The following TMEM252 variants were observed in gnomAD, a reference collection of about 807,000 sequenced individuals.
The protein encoded by TMEM252 is transmembrane protein 252.
A neutral mutation model predicts 6.4 loss-of-function variants in TMEM252; 4 were observed. The ratio of observed to expected loss-of-function variants is 0.62; its 90% CI spans 0.31 to 1.43. The LOEUF is 1.43. Among genes scored for constraint, TMEM252 ranks in the 40% most tolerant of loss-of-function variants. The probability of loss-of-function intolerance (pLI) is 0.07; values close to 1 mark genes in which losing one functional copy is unlikely to be tolerated. For synonymous variants in TMEM252, 85 were observed against 82.5 expected (o/e 1.03, Z -0.17); for missense variants, 207 against 209.4 (o/e 0.99, Z 0.07).
Position 68,537,397 on chromosome 9 carries a change from T to C in TMEM252, c.375A>G (p.Leu125=), listed in dbSNP as rs776727763. The C allele has an allele frequency of 1.1e-5, 18 of 1,608,758 alleles. No individual in the cohort carries two copies. Among genetic ancestry groups the C allele is most frequent in the Admixed American group, 5.1e-5 (3 of 58,280 alleles). The change falls in exon 2 of 2, where the codon CTA becomes CTG. Residue 125 remains leucine (L), a synonymous_variant. Coordinates refer to ENST00000377311, the MANE Select transcript of TMEM252 (RefSeq NM_153237.2). ...GGAATTCCAGGCCCGTCTCTGTATATAGAGGTGGAGGAATGCCAGAGGCCT... is the reference window on the plus strand; with the variant it reads ...GGAATTCCAGGCCCGTCTCTGTATACAGAGGTGGAGGAATGCCAGAGGCCT... ...EREASGIPPP[L]YTETGLEFQD...
rs1038468118 is a variant in TMEM252 at position 68,540,704 on chromosome 9, C to T, written c.111G>A (p.Gln37=). The change falls in exon 1 of 2, where the codon CAG becomes CAA. Residue 37 remains glutamine, a synonymous_variant. Coordinates refer to ENST00000377311, the MANE Select transcript of TMEM252 (RefSeq NM_153237.2). ...GCAAATAGGCCGCAATCAGGCTCCC[C>T]TGACAGTCGAATATGGAGCCCCAGG... ...FISWGSIFDC[Q]GSLIAAYLLL... 23 of 1,614,004 alleles carry T rather than the reference C, an allele frequency of 1.4e-5. No individual in the cohort carries two copies. Among genetic ancestry groups the T allele is most frequent in the Non-Finnish European group, 1.9e-5 (22 of 1,180,006 alleles).
intron 1 of TMEM252, 127 bp downstream of exon 1, chr9:68,540,410 C>T (rs575936512): frequency 1.4e-5 from 19 of 1,343,278 alleles, no homozygotes; most frequent in Non-Finnish European, 1.9e-5. Flanking sequence ...GACAATAAAG[C>T]TTTGGTTCTA....
At chr9:68,539,631 T>G (rs998162722) in intron 1 of TMEM252, among the ~76,000 whole-genome samples, 1 of 152,274 alleles carries the variant, frequency 6.6e-6, no homozygotes, top group African/African-American at 2.4e-5. Flanking sequence ...TTTCCTTCCT[T>G]TTTAAGGCTA....
chr9:68,537,335 G>C lies in TMEM252; in HGVS notation c.437C>G (p.Ser146Cys). Residue 146 changes from serine to cysteine, a missense_variant, in exon 2 of 2, where the codon TCT becomes TGT. Transcript: ENST00000377311. ...CAGGCCGGCTATGGACTCTCTATAA[G>C]ATGGTGGGGCCTCTGGGTGGGAGTC... ...GNDSHPEAPP[S>C]YRESIAGLVV... 1 of 1,606,116 alleles carries C rather than the reference G, an allele frequency of 6.2e-7. No homozygotes were observed.
At position 68,537,077 on chromosome 9, in the gene TMEM252, C is replaced by CT. The variant is rs35122443; in HGVS notation, c.*181dup. 0.16 allele frequency: 90,279 copies of CT among 566,190 alleles called. 8,072 individuals carry two copies. Among genetic ancestry groups the CT allele is most frequent in the South Asian group, 0.28 (11,765 of 41,368 alleles). The allele number at this position is 566,190 out of a possible 1,614,324, so 35.1% of individuals were successfully genotyped here. A position where few individuals can be genotyped will look rare whatever the true frequency, so the allele number is the denominator to read the frequency against. On this transcript the variant is annotated 3_prime_UTR_variant, in exon 2 of 2. Transcript: ENST00000377311. ...TGTTGGCCACACCCTTCCAGGGCCC[C>CT]TGGCCTGCCCTGCCCTGGCATGGCC...
chr9:68,537,355 G>T lies in TMEM252; in HGVS notation c.417C>A (p.Ser139=). 2 of 1,605,872 alleles carry T rather than the reference G, an allele frequency of 1.2e-6. No homozygotes were observed. Among genetic ancestry groups the T allele is most frequent in the Non-Finnish European group, 1.7e-6 (2 of 1,177,662 alleles). Reference sequence around the variant, plus strand: ...TATAAGATGGTGGGGCCTCTGGGTGGGAGTCATTTCCATCCTGGAATTCCA... The same window carrying T: ...TATAAGATGGTGGGGCCTCTGGGTGTGAGTCATTTCCATCCTGGAATTCCA... ...TGLEFQDGND[S]HPEAPPSYRE... is the part of the protein sequence containing the mutation. Residue 139 remains serine, a synonymous_variant, in exon 2 of 2, where the codon TCC becomes TCA. Transcript: ENST00000377311.
Position 68,537,214 on chromosome 9 carries a change from T to C in TMEM252, c.*45A>G. On this transcript the variant is annotated 3_prime_UTR_variant, in exon 2 of 2. Coordinates refer to ENST00000377311, the MANE Select transcript of TMEM252 (RefSeq NM_153237.2). Reference sequence around the variant, plus strand: ...GTTTGCCTTTATTATCAGTAGCTGCTCCCCACAGTGGTGGCATCATGAGTG... The same window carrying C: ...GTTTGCCTTTATTATCAGTAGCTGCCCCCCACAGTGGTGGCATCATGAGTG... 6.5e-7 allele frequency: 1 copy of C among 1,539,850 alleles called. No individual in the cohort carries two copies. Among genetic ancestry groups the C allele is most frequent in the Non-Finnish European group, 8.9e-7 (1 of 1,127,460 alleles).
Position 68,540,850 on chromosome 9 carries a change from T to G in TMEM252, c.-36A>C. The G allele has an allele frequency of 6.3e-7, 1 of 1,591,482 alleles. No homozygotes were observed. The highest frequency in any genetic ancestry group is 1.3e-5 in the African/African-American group (1 of 74,420). On this transcript the variant is annotated 5_prime_UTR_variant, in exon 1 of 2. Coordinates refer to ENST00000377311, the MANE Select transcript of TMEM252 (RefSeq NM_153237.2). ...TAGGAACCCAGCACCCTGACCCTGC[T>G]GCTCCTCTGCTTCCCTGCTTGCTCC...
rs977123608 is a variant in TMEM252, at chr9:68,540,877, A to G, written c.-63T>C. 44 of 1,535,494 alleles carry G rather than the reference A, an allele frequency of 2.9e-5. 1 individual carries two copies. The South Asian group carries it at 5.1e-4, about 18-fold the overall frequency. On this transcript the variant is annotated 5_prime_UTR_variant, in exon 1 of 2. Transcript: ENST00000377311. ...CTCCTCTGCTTCCCTGCTTGCTCCA[A>G]GAGAATGAGCTCATTAGCCAGCTTG... is the stretch of plus-strand genomic sequence containing the variant.
rs1238383032 is a variant in TMEM252, at chr9:68,537,253, T to C, written c.*6A>G. The stretch of plus-strand genomic sequence containing the variant: ...GCATCATGAGTGCTGGAGAGCTTTC[T>C]CTGCCTCAGCACTCTTGGCCTCGCC... On this transcript the variant is annotated 3_prime_UTR_variant, in exon 2 of 2. Transcript: ENST00000377311. 22 of 1,602,602 alleles carry C rather than the reference T, an allele frequency of 1.4e-5. No individual in the cohort carries two copies. The highest frequency in any genetic ancestry group is 1.7e-5 in the Non-Finnish European group (20 of 1,175,834).
In TMEM252 at chr9:68,537,432, C is replaced by T. The variant is rs757488946; in HGVS notation, c.340G>A (p.Ala114Thr). 1.3e-5 allele frequency: 21 copies of T among 1,604,870 alleles called. No individual in the cohort carries two copies. In the Admixed American group the frequency reaches 3.7e-4, roughly 28 times the overall value. ...SLEVEKQSCPAEREASGIPPP... is the reference protein window; with the variant it reads ...SLEVEKQSCPTEREASGIPPP... ...GGAATGCCAGAGGCCTCTCTCTCTG[C>T]AGGACAGCTCTGCTTTTCCACCTCA... The change falls in exon 2 of 2, where the codon GCA (alanine) becomes ACA (threonine). Residue 114 changes from alanine to threonine, a missense_variant. Coordinates refer to ENST00000377311, the MANE Select transcript of TMEM252 (RefSeq NM_153237.2).
intron 1 of TMEM252, among the ~76,000 whole-genome samples, chr9:68,537,701 C>T (rs1209776395): frequency 6.6e-6 from 1 of 152,222 alleles, no homozygotes. Context: ...CCACAGGATG[C>T]CTGCCTCTAG....
chr9:68,539,332 A>G (rs1825176276), intron 1 of TMEM252, among the ~76,000 whole-genome samples: 1 of 152,144 alleles, frequency 6.6e-6, no homozygotes, highest in Non-Finnish European at 1.5e-5. Flanking sequence ...TTGTGGTAAA[A>G]TATATATGAC....
At chr9:68,539,689 T>C (rs1022890129) in intron 1 of TMEM252, among the ~76,000 whole-genome samples, 1 of 152,250 alleles carries the variant, frequency 6.6e-6, no homozygotes, top group Non-Finnish European at 1.5e-5. Flanking sequence ...TACTCACCTG[T>C]TGATGGACAT....
At position 68,537,435 on chromosome 9, in the gene TMEM252, G is replaced by C. The variant is rs1825154462; in HGVS notation, c.337C>G (p.Pro113Ala). The change falls in exon 2 of 2, where the codon CCT becomes GCT. Residue 113 changes from proline to alanine, a missense_variant. By Grantham distance (27) the Pro-to-Ala change is conservative. Transcript: ENST00000377311. Reference protein sequence around the residue: ...ESLEVEKQSCPAEREASGIPP... With the variant: ...ESLEVEKQSCAAEREASGIPP... ...ATGCCAGAGGCCTCTCTCTCTGCAG[G>C]ACAGCTCTGCTTTTCCACCTCAAGG... The C allele has an allele frequency of 6.2e-7, 1 of 1,605,246 alleles. No homozygotes were observed. Among genetic ancestry groups the C allele is most frequent in the African/African-American group, 1.3e-5 (1 of 74,308 alleles).
chr9:68,540,826 A>G lies in TMEM252; in HGVS notation c.-12T>C, dbSNP rs1825197682. 2 of 1,610,654 alleles carry G rather than the reference A, an allele frequency of 1.2e-6. No individual in the cohort carries two copies. Among genetic ancestry groups the G allele is most frequent in the African/African-American group, 1.3e-5 (1 of 74,778 alleles). On this transcript the variant is annotated 5_prime_UTR_variant, in exon 1 of 2. Coordinates refer to ENST00000377311, the MANE Select transcript of TMEM252 (RefSeq NM_153237.2). The stretch of plus-strand genomic sequence containing the variant: ...GTTCTGTTCTGCATCCTTGCACCTT[A>G]GGAACCCAGCACCCTGACCCTGCTG...
In TMEM252 at chr9:68,540,868, C is replaced by T. The variant is rs1825198424; in HGVS notation, c.-54G>A. 2 of 1,567,014 alleles carry T rather than the reference C, an allele frequency of 1.3e-6. No individual in the cohort carries two copies. The highest frequency in any genetic ancestry group is 1.7e-6 in the Non-Finnish European group (2 of 1,146,344). Reference sequence around the variant, plus strand: ...ACCCTGCTGCTCCTCTGCTTCCCTGCTTGCTCCAAGAGAATGAGCTCATTA... The same window carrying T: ...ACCCTGCTGCTCCTCTGCTTCCCTGTTTGCTCCAAGAGAATGAGCTCATTA... On this transcript the variant is annotated 5_prime_UTR_variant, in exon 1 of 2. Coordinates refer to ENST00000377311, the MANE Select transcript of TMEM252 (RefSeq NM_153237.2).
rs1324169820 is a variant in TMEM252, at chr9:68,540,548, G to A, written c.267C>T (p.Ala89=). Residue 89 remains alanine, a synonymous_variant, in exon 1 of 2, where the codon GCC becomes GCT. Coordinates refer to ENST00000377311, the MANE Select transcript of TMEM252 (RefSeq NM_153237.2). ...QHLAHGALPV[A]TVDRPDFYPP... ...CTGTCAGCACGTACCTGTCTACTGT[G>A]GCCACGGGCAGGGCCCCATGAGCAA... 9.9e-6 allele frequency: 16 copies of A among 1,613,890 alleles called. No individual in the cohort carries two copies. Among genetic ancestry groups the A allele is most frequent in the Non-Finnish European group, 1.3e-5 (15 of 1,179,956 alleles).
chr9:68,537,959 C>A (rs893736073), intron 1 of TMEM252, among the ~76,000 whole-genome samples: 1 of 152,198 alleles, frequency 6.6e-6, no homozygotes, highest in Admixed American at 6.5e-5. Context: ...TGAATGAAAA[C>A]CAACTCTGTG....
Sources: allele counts gnomAD v4.1 joint callset (sites outside exome capture counted in the v4.1 genomes callset), GRCh38; gene constraint gnomAD v4.1.1; transcripts MANE v1.5; gene names NCBI Gene and HGNC (gene_info 2026-07-23, HGNC 2026-07-21).